The following SCHIP1 variants were observed in gnomAD, a reference collection of about 807,000 sequenced individuals.
The protein encoded by SCHIP1 is schwannomin-interacting protein 1.
In SCHIP1, 8 loss-of-function variants were observed where a neutral mutation model predicts 29.7. That is an observed-to-expected ratio of 0.27 (90% CI 0.16 to 0.49). The LOEUF (loss-of-function observed/expected upper bound fraction) is 0.49. SCHIP1 is among the 20% of genes least tolerant of loss of function. The pLI, the probability that SCHIP1 is intolerant of heterozygous loss-of-function variation, is 0.99. For missense variants in SCHIP1, 193 were observed against 294.6 expected, an observed-to-expected ratio of 0.66 and a Z score of 2.52; for synonymous variants, 76 against 94.9, an observed-to-expected ratio of 0.80 and a Z score of 1.16.
chr3:159,602,941 A>G, the SCHIP1 span, among the ~76,000 whole-genome samples: 31,135 of 152,068 alleles, frequency 0.2, 8,685 homozygotes, highest in African/African-American at 0.63. Context: ...CTCCACCTGG[A>G]GATAGCATGA....
chr3:159,828,868 T>A, the SCHIP1 span, among the ~76,000 whole-genome samples: 4 of 152,192 alleles, frequency 2.6e-5, no homozygotes, highest in African/African-American at 9.7e-5. Flanking sequence ...CATACACGCA[T>A]GCACACAAAC....
the SCHIP1 span, among the ~76,000 whole-genome samples, chr3:159,585,950 A>C: frequency 6.6e-6 from 1 of 152,116 alleles, no homozygotes; most frequent in Non-Finnish European, 1.5e-5. Flanking sequence ...CTAGCATAAT[A>C]TTATTGGATG....
the SCHIP1 span, among the ~76,000 whole-genome samples, chr3:159,292,253 T>C: frequency 6.6e-6 from 1 of 151,828 alleles, no homozygotes; most frequent in African/African-American, 2.4e-5. Flanking sequence ...GAGAAAGAGA[T>C]GTAAAGTATA....
At chr3:159,492,123 A>T in the SCHIP1 span, among the ~76,000 whole-genome samples, 1 of 152,300 alleles carries the variant, frequency 6.6e-6, no homozygotes, top group South Asian at 2.1e-4. Flanking sequence ...CAAAGACCAA[A>T]GGTAGATAAA....
chr3:159,747,023 G>A, the SCHIP1 span, among the ~76,000 whole-genome samples: 22 of 152,116 alleles, frequency 1.4e-4, no homozygotes, highest in Middle Eastern at 3.2e-3. Flanking sequence ...ACTGTTAACT[G>A]TGAGTACTTT....
chr3:159,626,222 A>ATC, the SCHIP1 span, among the ~76,000 whole-genome samples: 1 of 109,814 alleles, frequency 9.1e-6, no homozygotes, highest in Non-Finnish European at 1.6e-5. Flanking sequence ...ATCTAGATAT[A>ATC]TATATATCTA....
the SCHIP1 span, among the ~76,000 whole-genome samples, chr3:159,535,178 T>A: frequency 6.6e-6 from 1 of 152,136 alleles, no homozygotes; most frequent in African/African-American, 2.4e-5. Context: ...GTAAACAAAA[T>A]TGCATAATAT....
chr3:159,394,110 T>C, the SCHIP1 span, among the ~76,000 whole-genome samples: 1,316 of 147,154 alleles, frequency 8.9e-3, 15 homozygotes, highest in African/African-American at 0.033. Context: ...ATTTGGCTCT[T>C]TGTTTGTCTG....
At chr3:159,393,921 C>T in the SCHIP1 span, among the ~76,000 whole-genome samples, 66 of 152,202 alleles carry the variant, frequency 4.3e-4, no homozygotes, top group East Asian at 2.9e-3. Flanking sequence ...GCCATTTTCA[C>T]GATATTGATT....
At chr3:159,443,723 G>C in the SCHIP1 span, among the ~76,000 whole-genome samples, 1 of 152,112 alleles carries the variant, frequency 6.6e-6, no homozygotes, top group Non-Finnish European at 1.5e-5. Flanking sequence ...TGGCCAGGAT[G>C]GTCTTGATCT....
At chr3:159,357,722 GTACT>G in the SCHIP1 span, among the ~76,000 whole-genome samples, 4 of 152,244 alleles carry the variant, frequency 2.6e-5, no homozygotes, top group African/African-American at 9.6e-5. Context: ...GAGTAAAATA[GTACT>G]TATTTATTTA....
the SCHIP1 span, among the ~76,000 whole-genome samples, chr3:159,715,823 C>T: frequency 6.6e-6 from 1 of 152,346 alleles, no homozygotes; most frequent in East Asian, 1.9e-4. Flanking sequence ...TTGGAAAACA[C>T]TCTGCAGGAT....
the SCHIP1 span, among the ~76,000 whole-genome samples, chr3:159,755,437 C>T: frequency 6.6e-6 from 1 of 152,264 alleles, no homozygotes; most frequent in Non-Finnish European, 1.5e-5. Context: ...ATGAGAACAG[C>T]ATGGGAAAGA....
chr3:159,551,400 A>G, the SCHIP1 span, among the ~76,000 whole-genome samples: 3 of 152,312 alleles, frequency 2.0e-5, no homozygotes, highest in South Asian at 6.2e-4. Flanking sequence ...CCTGCTGCGT[A>G]GCAGTTTTCT....
the SCHIP1 span, among the ~76,000 whole-genome samples, chr3:159,339,255 TAAA>T: frequency 1.4e-5 from 2 of 138,660 alleles, no homozygotes; most frequent in African/African-American, 2.6e-5. Flanking sequence ...TCATTAGAAT[TAAA>T]AAAAAAAAAA....
chr3:159,562,535 C>T, the SCHIP1 span, among the ~76,000 whole-genome samples: 6 of 152,288 alleles, frequency 3.9e-5, no homozygotes, highest in African/African-American at 1.2e-4. Flanking sequence ...TTTGACACTA[C>T]GCCTTCTGGT....
chr3:159,615,337 C>T, the SCHIP1 span, among the ~76,000 whole-genome samples: 1 of 152,288 alleles, frequency 6.6e-6, no homozygotes, highest in Non-Finnish European at 1.5e-5. Flanking sequence ...GGATTTTAAG[C>T]AAGAGAGTGG....
At chr3:159,460,605 G>T in the SCHIP1 span, among the ~76,000 whole-genome samples, 1 of 152,136 alleles carries the variant, frequency 6.6e-6, no homozygotes, top group South Asian at 2.1e-4. Context: ...TGTCTACCTG[G>T]AAATTTCCAG....
the SCHIP1 span, among the ~76,000 whole-genome samples, chr3:159,294,360 T>G: frequency 6.6e-6 from 1 of 152,244 alleles, no homozygotes; most frequent in East Asian, 1.9e-4. Context: ...TGATTTGGGG[T>G]TCTCAATAAG....
Sources: gnomAD v4.1 joint callset for allele counts (sites outside exome capture counted in the v4.1 genomes callset) on GRCh38, gnomAD v4.1.1 for gene constraint, MANE v1.5 for transcripts, NCBI Gene and HGNC (gene_info 2026-07-23, HGNC 2026-07-21) for gene names.